The following SIX4 variants were observed in gnomAD, a reference collection of about 807,000 sequenced individuals.
SIX4 encodes homeobox protein SIX4.
In SIX4, 23 loss-of-function variants were observed where a neutral mutation model predicts 51.5. The ratio of observed to expected loss-of-function variants is 0.45; its 90% CI spans 0.32 to 0.63. The LOEUF is 0.63. Ranked by LOEUF, SIX4 falls within the 30% of genes least tolerant of loss-of-function variation. The probability of loss-of-function intolerance (pLI) is 0.04; values close to 1 mark genes in which losing one functional copy is unlikely to be tolerated. For synonymous variants in SIX4, 413 were observed against 417.3 expected (o/e 0.99, Z 0.13); for missense variants, 867 against 984.0 (o/e 0.88, Z 1.59).
In SIX4 at chr14:60,720,300, C is replaced by T. The variant is rs1895998704; in HGVS notation, c.1009G>A (p.Gly337Arg). 8 of 1,614,142 alleles carry T rather than the reference C, an allele frequency of 5.0e-6. No individual in the cohort carries two copies. Among genetic ancestry groups the T allele is most frequent in the Non-Finnish European group, 6.8e-6 (8 of 1,180,038 alleles). Reference sequence around the variant, plus strand: ...GAGCTTAATGATATCTTAGCATTTCCAATTTGTTGCATATATACTGGCTCC... The same window carrying T: ...GAGCTTAATGATATCTTAGCATTTCTAATTTGTTGCATATATACTGGCTCC... The part of the protein sequence containing the change: ...HMEPVYMQQI[G>R]NAKISLSSSG... Residue 337 changes from glycine (G) to arginine (R), a missense_variant, in exon 2 of 3, where the codon GGA becomes AGA. Coordinates refer to ENST00000216513, the MANE Select transcript of SIX4 (RefSeq NM_017420.5). The surrounding 1 kb of genome is among the most constrained non-coding windows in gnomAD (Gnocchi z 5.5).
chr14:60,722,430 T>C lies in SIX4; in HGVS notation c.863+782A>G, dbSNP rs1183361078. On this transcript the variant is annotated intron_variant, in intron 1 of 2. Coordinates refer to ENST00000216513, the MANE Select transcript of SIX4 (RefSeq NM_017420.5). The surrounding 1 kb of genome is among the most constrained non-coding windows in gnomAD (Gnocchi z 5.9). ...GTACCAGGAGGGAGCCAAGCAGCGT[T>C]CGGGGGCCGAGGGAGGAAGCAGCCC... Among the ~76,000 whole-genome samples, 1 of 152,002 alleles carries C rather than the reference T, an allele frequency of 6.6e-6. No homozygotes were observed. Among genetic ancestry groups the C allele is most frequent in the African/African-American group, 2.4e-5 (1 of 41,372 alleles).
Position 60,710,871 on chromosome 14 carries a change from T to C in SIX4, c.*2536A>G, listed in dbSNP as rs932050313. The C allele has an allele frequency of 3.3e-5, 5 of 152,606 alleles. No homozygotes were observed. Among genetic ancestry groups the C allele is most frequent in the African/African-American group, 1.2e-4 (5 of 41,442 alleles). 9.5% of individuals were successfully genotyped at this position (152,606 alleles called of 1,614,324 possible). On this transcript the variant is annotated 3_prime_UTR_variant, in exon 3 of 3. Transcript: ENST00000216513. ...TAATTGTAGGGTTATAATTACATCA[T>C]GGTGGGAATATGAATGGGTTTCCTA...
rs368726421 is a variant in SIX4 at position 60,724,100 on chromosome 14, C to T, written c.-26G>A. 5.1e-6 allele frequency: 8 copies of T among 1,575,260 alleles called. No individual in the cohort carries two copies. The Admixed American group carries it at 5.4e-5, about 11-fold the overall frequency. ...TTTTTGTTGTTTATTTTCCTCCCTC[C>T]CTCACTCCCTCGCACTCTTTTCCTC... On this transcript the variant is annotated 5_prime_UTR_variant, in exon 1 of 3. Transcript: ENST00000216513.
Position 60,709,631 on chromosome 14 carries a change from A to AT in SIX4, c.*3775dup, listed in dbSNP as rs1895788078. The AT allele has an allele frequency of 6.6e-6, 1 of 152,668 alleles. No homozygotes were observed. Among genetic ancestry groups the AT allele is most frequent in the African/African-American group, 2.4e-5 (1 of 41,466 alleles). The allele number at this position is 152,668 out of a possible 1,614,324, so 9.5% of individuals were successfully genotyped here. A position where few individuals can be genotyped will look rare whatever the true frequency, so the allele number is the denominator to read the frequency against. ...AAATAAAACACTTAATTGTCCAGGC[A>AT]TAAACCCCCATTACAGTACGACATA... On this transcript the variant is annotated 3_prime_UTR_variant, in exon 3 of 3. Coordinates refer to ENST00000216513, the MANE Select transcript of SIX4 (RefSeq NM_017420.5). The surrounding 1 kb of genome is among the most constrained non-coding windows in gnomAD (Gnocchi z 4.1).
rs1460416381 is a variant in SIX4 at position 60,709,641 on chromosome 14, AT to A, written c.*3765del. The A allele has an allele frequency of 6.6e-6, 1 of 152,640 alleles. No individual in the cohort carries two copies. The highest frequency in any genetic ancestry group is 1.5e-5 in the Non-Finnish European group (1 of 68,028). 9.5% of individuals were successfully genotyped at this position (152,640 alleles called of 1,614,324 possible). On this transcript the variant is annotated 3_prime_UTR_variant, in exon 3 of 3. Coordinates refer to ENST00000216513, the MANE Select transcript of SIX4 (RefSeq NM_017420.5). The surrounding 1 kb of genome is among the most constrained non-coding windows in gnomAD (Gnocchi z 4.1). ...CTTAATTGTCCAGGCATAAACCCCCATTACAGTACGACATACATACTTCAGA... is the reference window on the plus strand; with the variant it reads ...CTTAATTGTCCAGGCATAAACCCCCATACAGTACGACATACATACTTCAGA...
Position 60,719,299 on chromosome 14 carries a change from C to T in SIX4, c.1549+461G>A, listed in dbSNP as rs889350886. ...AAACAGGATTCAAACATAATTGATC[C>T]GGTCTTTTTAGCTTGTTCTTCTAAA... On this transcript the variant is annotated intron_variant, in intron 2 of 2. Coordinates refer to ENST00000216513, the MANE Select transcript of SIX4 (RefSeq NM_017420.5). This position sits in a 1 kb window ranked among gnomAD's most constrained non-coding sequence, Gnocchi z 4.9. Among the ~76,000 whole-genome samples, 2 of 152,136 alleles carry T rather than the reference C, an allele frequency of 1.3e-5. No individual in the cohort carries two copies. Among genetic ancestry groups the T allele is most frequent in the South Asian group, 2.1e-4 (1 of 4,822 alleles).
At position 60,720,500 on chromosome 14, in the gene SIX4, A is replaced by T. The variant is rs1896002391; in HGVS notation, c.864-55T>A. On this transcript the variant is annotated intron_variant, in intron 1 of 2. Transcript: ENST00000216513. The surrounding 1 kb of genome is among the most constrained non-coding windows in gnomAD (Gnocchi z 5.5). The stretch of plus-strand genomic sequence containing the variant: ...GAAGGTCAGGGGGATGACATTCTAC[A>T]CAGTGCCACTTGTTTGGAAAACCAG... 6.6e-7 allele frequency: 1 copy of T among 1,523,760 alleles called. No individual in the cohort carries two copies. Among genetic ancestry groups the T allele is most frequent in the Non-Finnish European group, 8.9e-7 (1 of 1,127,070 alleles). The allele number at this position is 1,523,760 out of a possible 1,614,324, so 94.4% of individuals were successfully genotyped here. A position where few individuals can be genotyped will look rare whatever the true frequency, so the allele number is the denominator to read the frequency against.
At chr14:60,723,135 C>G (rs764313050) in intron 1 of SIX4, 77 bp downstream of exon 1, 10 of 1,435,014 alleles carry the variant, frequency 7.0e-6, no homozygotes, top group Non-Finnish European at 9.1e-6. Context: ...GCCATGTTTG[C>G]GAGCACTTGG....
intron 2 of SIX4, among the ~76,000 whole-genome samples, chr14:60,715,878 CTT>C (rs869131693): frequency 7.7e-5 from 11 of 142,836 alleles, no homozygotes; most frequent in Admixed American, 1.4e-4. Flanking sequence ...TCAGTCAACT[CTT>C]TTTTTTTTTT....
At chr14:60,718,233 T>C (rs1296928683) in intron 2 of SIX4, among the ~76,000 whole-genome samples, 1 of 152,150 alleles carries the variant, frequency 6.6e-6, no homozygotes, top group Non-Finnish European at 1.5e-5. Flanking sequence ...ATAGAAATGT[T>C]GCTTACTGGA....
rs1293115334 is a variant in SIX4, at chr14:60,711,417, G to A, written c.*1990C>T. The A allele has an allele frequency of 6.6e-6, 1 of 152,040 alleles. No homozygotes were observed. The allele number at this position is 152,040 out of a possible 1,614,324, so 9.4% of individuals were successfully genotyped here. On this transcript the variant is annotated 3_prime_UTR_variant, in exon 3 of 3. Coordinates refer to ENST00000216513, the MANE Select transcript of SIX4 (RefSeq NM_017420.5). ...TGATAACAAAAGTTAAATCCTCTAT[G>A]TCCCTTATTCAACATGCTTGATTGA...
In SIX4 at chr14:60,723,661, C is replaced by G; in HGVS notation, c.414G>C (p.Gln138His). The change falls in exon 1 of 3, where the codon CAG (glutamine) becomes CAC (histidine). Residue 138 changes from glutamine (Q) to histidine (H), a missense_variant. Physicochemically the swap from Gln to His is conservative, Grantham distance 24 (BLOSUM62 0). Coordinates refer to ENST00000216513, the MANE Select transcript of SIX4 (RefSeq NM_017420.5). ...TCTCGTTGCCACGTAGCAGGTCGCT[C>G]TGGGGCAGGGACCACAGGAACCGGG... is the stretch of plus-strand genomic sequence containing the variant. ...RLARFLWSLP[Q>H]SDLLRGNESL... The G allele has an allele frequency of 6.3e-7, 1 of 1,588,034 alleles. No homozygotes were observed. The highest frequency in any genetic ancestry group is 2.3e-5 in the East Asian group (1 of 43,310).
Position 60,723,936 on chromosome 14 carries a change from C to T in SIX4, c.139G>A (p.Ala47Thr). The T allele has an allele frequency of 6.6e-7, 1 of 1,511,290 alleles. No individual in the cohort carries two copies. The allele number at this position is 1,511,290 out of a possible 1,614,324, so 93.6% of individuals were successfully genotyped here. A position where few individuals can be genotyped will look rare whatever the true frequency, so the allele number is the denominator to read the frequency against. The change falls in exon 1 of 3, where the codon GCT (alanine) becomes ACT (threonine). Residue 47 changes from alanine (A) to threonine (T), a missense_variant. Physicochemically the swap from Ala to Thr is moderately conservative, Grantham distance 58. Transcript: ENST00000216513. ...GGAAVGLSPP[A>T]PAPFPLEPGD... ...GGCTCCAGGGGAAAAGGGGCTGGAG[C>T]CGGGGGGCTCAGCCCTACCGCCGCG...
In SIX4 at chr14:60,713,682, T is replaced by G; in HGVS notation, c.2071A>C (p.Thr691Pro). 1 of 1,614,242 alleles carries G rather than the reference T, an allele frequency of 6.2e-7. No individual in the cohort carries two copies. The highest frequency in any genetic ancestry group is 8.5e-7 in the Non-Finnish European group (1 of 1,180,044). Residue 691 changes from threonine (T) to proline (P), a missense_variant, in exon 3 of 3, where the codon ACA becomes CCA. By Grantham distance (38) the Thr-to-Pro change is conservative (BLOSUM62 -1). Transcript: ENST00000216513. ...TQAALGEIVP[T>P]AEDQVGHPSP... ...GGGTGACCTACCTGATCTTCAGCTG[T>G]AGGAACTATTTCCCCAAGGGCAGCC...
chr14:60,713,577 AG>A lies in SIX4; in HGVS notation c.2175del (p.Leu726TyrfsTer12), dbSNP rs768607246. 6.2e-7 allele frequency: 1 copy of A among 1,614,206 alleles called. No individual in the cohort carries two copies. Among genetic ancestry groups the A allele is most frequent in the South Asian group, 1.1e-5 (1 of 91,088 alleles). On this transcript the variant is annotated frameshift_variant, in exon 3 of 3. Coordinates refer to ENST00000216513, the MANE Select transcript of SIX4 (RefSeq NM_017420.5). LOFTEE classifies it high-confidence loss of function. ...GTTGCTTTGCTCTCAGAATTTGATA[AG>A]AAATTCTCTTTCATGTTAGCTACCG... ...LQSVANMKEN[F>X]LSNSESKATS... is the part of the protein sequence containing the mutation.
rs1266343975 is a variant in SIX4, at chr14:60,714,108, C to T, written c.1645G>A (p.Ala549Thr). The change falls in exon 3 of 3, where the codon GCT (alanine) becomes ACT (threonine). Residue 549 changes from alanine (A) to threonine (T), a missense_variant. Transcript: ENST00000216513. Reference protein sequence around the residue: ...QQGKVFLSSLAPSAVVYTVPN... With the variant: ...QQGKVFLSSLTPSAVVYTVPN... ...ACCGTGTATACCACTGCACTGGGAGCAAGAGAGCTCAAGAAAACCTTTCCT... is the reference window on the plus strand; with the variant it reads ...ACCGTGTATACCACTGCACTGGGAGTAAGAGAGCTCAAGAAAACCTTTCCT... 2 of 1,613,878 alleles carry T rather than the reference C, an allele frequency of 1.2e-6. No homozygotes were observed. The highest frequency in any genetic ancestry group is 2.7e-5 in the African/African-American group (2 of 74,928).
rs1011125673 is a variant in SIX4 at position 60,711,058 on chromosome 14, C to T, written c.*2349G>A. The T allele has an allele frequency of 3.3e-5, 5 of 151,154 alleles. No individual in the cohort carries two copies. Among genetic ancestry groups the T allele is most frequent in the African/African-American group, 4.9e-5 (2 of 41,176 alleles). 9.4% of individuals were successfully genotyped at this position (151,154 alleles called of 1,614,324 possible). A position where few individuals can be genotyped will look rare whatever the true frequency, so the allele number is the denominator to read the frequency against. ...TATAACTAAAAACCTCCCCATCTCT[C>T]TTGTTGGATGGGTATTTGAAAATAA... On this transcript the variant is annotated 3_prime_UTR_variant, in exon 3 of 3. Transcript: ENST00000216513.
Position 60,723,953 on chromosome 14 carries a change from A to T in SIX4, c.122T>A (p.Val41Glu). ...GGCTGGAGCCGGGGGGCTCAGCCCTACCGCCGCGCCCCCCGCCACTTCTCG... is the reference window on the plus strand; with the variant it reads ...GGCTGGAGCCGGGGGGCTCAGCCCTTCCGCCGCGCCCCCCGCCACTTCTCG... ...AHREVAGGAA[V>E]GLSPPAPAPF... The change falls in exon 1 of 3, where the codon GTA becomes GAA. Residue 41 changes from valine to glutamate, a missense_variant. Coordinates refer to ENST00000216513, the MANE Select transcript of SIX4 (RefSeq NM_017420.5). 6.7e-7 allele frequency: 1 copy of T among 1,499,654 alleles called. No homozygotes were observed. The highest frequency in any genetic ancestry group is 8.8e-7 in the Non-Finnish European group (1 of 1,131,392). The allele number at this position is 1,499,654 out of a possible 1,614,324, so 92.9% of individuals were successfully genotyped here. A position where few individuals can be genotyped will look rare whatever the true frequency, so the allele number is the denominator to read the frequency against.
intron 2 of SIX4, chr14:60,718,015 AT>A: frequency 1.6e-5 from 3 of 183,790 alleles, no homozygotes; most frequent in South Asian, 8.9e-5. Flanking sequence ...CCGCCTAAAA[AT>A]AATAATAATA....
Sources: gnomAD v4.1 joint callset for allele counts (sites outside exome capture counted in the v4.1 genomes callset) on GRCh38, gnomAD v4.1.1 for gene constraint, Gnocchi (gnomAD v3.1) non-coding constraint, MANE v1.5 for transcripts, NCBI Gene and HGNC (gene_info 2026-07-23, HGNC 2026-07-21) for gene names.